SI: variants seen among roughly 807,000 people sequenced by gnomAD.
SI encodes the protein sucrase-isomaltase, also known as sucrase-isomaltase, intestinal.
In SI, 235 loss-of-function variants were observed where a neutral mutation model predicts 253.3. The observed-to-expected ratio is 0.93, with a 90% CI of 0.83 to 1.03. The LOEUF (loss-of-function observed/expected upper bound fraction) is 1.03. SI is among the 50% of genes least tolerant of loss of function. SI has a pLI of 0.00. For missense variants in SI, 2,442 were observed against 2,211.1 expected (o/e 1.10, Z -2.09); for synonymous variants, 819 against 712.0 (o/e 1.15, Z -2.39).
chr3:165,019,836 A>G, intron 27 of SI, 66 bp from the exon 28 acceptor site: 1 of 1,337,206 alleles, frequency 7.5e-7, no homozygotes, highest in Non-Finnish European at 1.1e-6. Flanking sequence ...ACAAATAATA[A>G]CGGTAATTCT....
At chr3:165,015,339 T>TA in intron 32 of SI, 106 bp from the exon 33 acceptor site, 3 of 756,838 alleles carry the variant, frequency 4.0e-6, no homozygotes, top group Non-Finnish European at 7.0e-6. Flanking sequence ...CATAATAATG[T>TA]GCTCTCACAT....
At chr3:165,056,738 G>A (rs1713710913) in intron 12 of SI, among the ~76,000 whole-genome samples, 1 of 152,156 alleles carries the variant, frequency 6.6e-6, no homozygotes, top group African/African-American at 2.4e-5. Flanking sequence ...CATAGGCTAT[G>A]AGTCTGCAAG....
At chr3:165,003,762 AT>A (rs1718366336) in intron 37 of SI, among the ~76,000 whole-genome samples, 1 of 152,102 alleles carries the variant, frequency 6.6e-6, no homozygotes, top group Non-Finnish European at 1.5e-5. Flanking sequence ...ATAATAATTT[AT>A]TTAAAAATCA....
At position 164,991,310 on chromosome 3, in the gene SI, G is replaced by T. The variant is rs757440520; in HGVS notation, c.5108+43C>A. 29 of 1,608,582 alleles carry T rather than the reference G, an allele frequency of 1.8e-5. No individual in the cohort carries two copies. The South Asian group carries it at 3.1e-4, about 17-fold the overall frequency. On this transcript the variant is annotated intron_variant, in intron 44 of 47. Transcript: ENST00000264382. ...TATTTCTTAACAATGCTAGCATGAT[G>T]TATCTCAAAATTTAACCTGAGCTTT...
intron 24 of SI, 133 bp downstream of exon 24, chr3:165,032,389 G>A (rs1712296625): frequency 6.9e-6 from 4 of 578,826 alleles, no homozygotes; most frequent in South Asian, 5.1e-5. Context: ...AAAAAATGAA[G>A]GGAAGAAGGA....
rs769230018 is a variant in SI at position 165,037,804 on chromosome 3, G to T, written c.2426+96C>A. The T allele has an allele frequency of 2.7e-4, 237 of 881,166 alleles. 1 individual carries two copies. Among genetic ancestry groups the T allele is most frequent in the Non-Finnish European group, 1.4e-4 (78 of 543,988 alleles). The allele number at this position is 881,166 out of a possible 1,614,324, so 54.6% of individuals were successfully genotyped here. ...CTCTGTATGTCAAATATCTTCTGGT[G>T]CAGAAACTAAATATTATCTCTAATT... On this transcript the variant is annotated intron_variant, in intron 21 of 47. Coordinates refer to ENST00000264382, the MANE Select transcript of SI (RefSeq NM_001041.4).
chr3:165,060,055 T>C, intron 9 of SI, 28 bp from the exon 10 acceptor site: 1 of 1,597,482 alleles, frequency 6.3e-7, no homozygotes. Context: ...TGTAATTAGT[T>C]TGAATAGAAA....
rs1718847086 is a variant in SI, at chr3:165,013,097, T to C, written c.4000-55A>G. On this transcript the variant is annotated intron_variant, in intron 33 of 47. Coordinates refer to ENST00000264382, the MANE Select transcript of SI (RefSeq NM_001041.4). Reference sequence around the variant, plus strand: ...TCAAAACATAGTCAGCATGATATGATTGCTATGTAGATGAAGTGTAATGGA... The same window carrying C: ...TCAAAACATAGTCAGCATGATATGACTGCTATGTAGATGAAGTGTAATGGA... The C allele has an allele frequency of 6.4e-6, 7 of 1,093,594 alleles. No individual in the cohort carries two copies. The South Asian group carries it at 8.7e-5, about 14-fold the overall frequency. 67.7% of individuals were successfully genotyped at this position (1,093,594 alleles called of 1,614,324 possible).
intron 19 of SI, 40 bp downstream of exon 19, chr3:165,039,847 A>G (rs764967850): frequency 3.6e-6 from 5 of 1,388,448 alleles, no homozygotes; most frequent in East Asian, 2.3e-5. Flanking sequence ...TTAGTTATAC[A>G]AAGTTCAAAC....
Position 165,063,411 on chromosome 3 carries a change from A to G in SI, c.907+31T>C, listed in dbSNP as rs746562571. ...AGTTAAAACATTTCAAGTGAAATCT[A>G]TAAATATATTATCAAATGAATTATT... On this transcript the variant is annotated intron_variant, in intron 8 of 47. Transcript: ENST00000264382. 17 of 987,896 alleles carry G rather than the reference A, an allele frequency of 1.7e-5. No homozygotes were observed. In the African/African-American group the frequency reaches 2.7e-4, roughly 16 times the overall value. The allele number at this position is 987,896 out of a possible 1,614,324, so 61.2% of individuals were successfully genotyped here.
chr3:165,071,415 C>G (rs1714567244), intron 3 of SI, among the ~76,000 whole-genome samples: 1 of 151,224 alleles, frequency 6.6e-6, no homozygotes, highest in South Asian at 2.1e-4. Flanking sequence ...CAGTTAAACT[C>G]TAGCAAATAA....
chr3:165,055,374 T>A, intron 12 of SI, 67 bp from the exon 13 acceptor site: 1 of 902,506 alleles, frequency 1.1e-6, no homozygotes, highest in Non-Finnish European at 1.8e-6. Flanking sequence ...AATTTCAAAT[T>A]AATAAAGTTG....
chr3:165,021,068 AT>A (rs1364512188), intron 27 of SI, among the ~76,000 whole-genome samples, 160 bp downstream of exon 27: 1 of 151,706 alleles, frequency 6.6e-6, no homozygotes, highest in East Asian at 1.9e-4. Flanking sequence ...CCCATGGACT[AT>A]GTTTAGCTAG....
chr3:165,026,146 T>TCCATG (rs1559995370), intron 25 of SI, among the ~76,000 whole-genome samples: 1 of 151,068 alleles, frequency 6.6e-6, no homozygotes, highest in Non-Finnish European at 1.5e-5. Context: ...AAAAAAACAT[T>TCCATG]CCATGCAAAT....
intron 37 of SI, among the ~76,000 whole-genome samples, chr3:165,005,959 G>T (rs1718487136): frequency 6.6e-6 from 1 of 152,052 alleles, no homozygotes; most frequent in African/African-American, 2.4e-5. Flanking sequence ...TGCTAATAAA[G>T]AATTGATTTT....
rs145502558 is a variant in SI, at chr3:165,001,280, T to G, written c.4407-2607A>C. Among the ~76,000 whole-genome samples, 815 of 151,496 alleles carry G rather than the reference T, an allele frequency of 5.4e-3. 6 individuals carry two copies. The highest frequency in any genetic ancestry group is 0.019 in the African/African-American group (768 of 41,510). On this transcript the variant is annotated intron_variant, in intron 37 of 47. Coordinates refer to ENST00000264382, the MANE Select transcript of SI (RefSeq NM_001041.4). The stretch of plus-strand genomic sequence containing the variant: ...TGCTGTATAGTAGAGAAAAGAAAGT[T>G]ATTACAGAATTGTTATCCTCATTTT...
intron 36 of SI, 33 bp downstream of exon 36, chr3:165,007,878 G>A: frequency 9.7e-7 from 1 of 1,026,790 alleles, no homozygotes; most frequent in Non-Finnish European, 1.5e-6. Context: ...ATAATAACAT[G>A]ATAATATCAA....
intron 9 of SI, 120 bp from the exon 10 acceptor site, chr3:165,060,147 T>G (rs1713915837): frequency 2.3e-6 from 2 of 873,376 alleles, no homozygotes; most frequent in African/African-American, 1.7e-5. Flanking sequence ...GTTTATATAA[T>G]TTAAACAAAC....
intron 20 of SI, among the ~76,000 whole-genome samples, chr3:165,038,729 C>T (rs1712667052): frequency 6.6e-6 from 1 of 151,866 alleles, no homozygotes; most frequent in Admixed American, 6.6e-5. Context: ...GTACTCAAGT[C>T]TTCTGGCAAT....
Sources: allele counts gnomAD v4.1 joint callset (sites outside exome capture counted in the v4.1 genomes callset), GRCh38; gene constraint gnomAD v4.1.1; transcripts MANE v1.5; gene names NCBI Gene and HGNC (gene_info 2026-07-23, HGNC 2026-07-21).